APBA2: variants seen among roughly 807,000 people sequenced by gnomAD.
APBA2 encodes amyloid beta precursor protein binding family A member 2.
A neutral mutation model predicts 75.0 loss-of-function variants in APBA2; 30 were observed. The observed-to-expected ratio is 0.40, with a 90% confidence interval of 0.30 to 0.54. APBA2 has a LOEUF of 0.54. APBA2 is among the 20% of genes least tolerant of loss of function. APBA2 has a pLI of 0.49. For missense variants in APBA2, 801 were observed against 1,016.1 expected, an observed-to-expected ratio of 0.79 and a Z score of 2.88; for synonymous variants, 444 against 409.6, an observed-to-expected ratio of 1.08 and a Z score of -1.01.
At position 28,942,798 on chromosome 15, in the gene APBA2, T is replaced by C. The variant is rs547768552; in HGVS notation, c.-95+21049T>C. Among the ~76,000 whole-genome samples the C allele has an allele frequency of 5.9e-5, 9 of 152,302 alleles. No homozygotes were observed. In the South Asian group the frequency reaches 8.3e-4, roughly 14 times the overall value. ...CAGGCCAGAAGGACATGCCCAGTTG[T>C]GTGGCTGCCTCTTCCCTGCAGGGAG... is the stretch of plus-strand genomic sequence containing the variant. On this transcript the variant is annotated intron_variant, in intron 2 of 14. Coordinates refer to ENST00000683413, the MANE Select transcript of APBA2 (RefSeq NM_001353788.2).
At chr15:28,994,713 C>T (rs941358480) in intron 2 of APBA2, among the ~76,000 whole-genome samples, 4 of 152,136 alleles carry the variant, frequency 2.6e-5, no homozygotes, top group Non-Finnish European at 4.4e-5. Context: ...AGCAACTGGC[C>T]GCTTTCTTAG....
rs186030178 is a variant in APBA2, at chr15:29,042,653, C to T, written c.-40-11192C>T. Reference sequence around the variant, plus strand: ...GAGGGGACATAATTCAGCCATAACACGGATGTGGCTTATTTTAAATCTACA... The same window carrying T: ...GAGGGGACATAATTCAGCCATAACATGGATGTGGCTTATTTTAAATCTACA... On this transcript the variant is annotated intron_variant, in intron 3 of 14. Transcript: ENST00000683413. Among the ~76,000 whole-genome samples, 25 of 151,250 alleles carry T rather than the reference C, an allele frequency of 1.7e-4. No individual in the cohort carries two copies. The East Asian group carries it at 2.7e-3, about 17-fold the overall frequency.
chr15:28,890,558 T>C (rs1047807719), intron 1 of APBA2, among the ~76,000 whole-genome samples: 6 of 152,214 alleles, frequency 3.9e-5, no homozygotes, highest in Non-Finnish European at 5.9e-5. Flanking sequence ...CTCTTGCCTG[T>C]GTCCTGGCCT....
chr15:29,093,686 G>A (rs2043697602), intron 7 of APBA2, among the ~76,000 whole-genome samples: 1 of 152,184 alleles, frequency 6.6e-6, no homozygotes, highest in African/African-American at 2.4e-5. Context: ...CCGGGCAAGG[G>A]GAAGATGAGG....
intron 3 of APBA2, among the ~76,000 whole-genome samples, chr15:29,011,683 CTTT>C (rs1348818954): frequency 6.6e-6 from 1 of 152,014 alleles, no homozygotes; most frequent in Non-Finnish European, 1.5e-5. Context: ...ATTTTTACTT[CTTT>C]GTTATATCAT....
At chr15:28,956,625 T>A (rs1051117967) in intron 2 of APBA2, among the ~76,000 whole-genome samples, 5 of 136,204 alleles carry the variant, frequency 3.7e-5, no homozygotes, top group Admixed American at 7.2e-5. Flanking sequence ...CTCAGTCGCA[T>A]TAAGTACATT....
At position 29,098,588 on chromosome 15, in the gene APBA2, A is replaced by G. The variant is rs752168446; in HGVS notation, c.1338+12A>G. On this transcript the variant is annotated intron_variant, in intron 9 of 14. Coordinates refer to ENST00000683413, the MANE Select transcript of APBA2 (RefSeq NM_001353788.2). ...ATGCAGACACGCAGGTAAGCGTTTA[A>G]GACAGTTGTTCAAAATCAGGTAAAC... 1.9e-6 allele frequency: 3 copies of G among 1,609,224 alleles called. No homozygotes were observed. Among genetic ancestry groups the G allele is most frequent in the South Asian group, 2.2e-5 (2 of 90,960 alleles).
intron 2 of APBA2, among the ~76,000 whole-genome samples, chr15:28,954,843 C>T (rs1298748580): frequency 6.6e-6 from 1 of 152,178 alleles, no homozygotes; most frequent in Non-Finnish European, 1.5e-5. Context: ...ATCCTCCAAA[C>T]CTGGGAACCT....
At chr15:28,904,486 T>G (rs1186485871) in intron 1 of APBA2, among the ~76,000 whole-genome samples, 1 of 152,218 alleles carries the variant, frequency 6.6e-6, no homozygotes, top group East Asian at 1.9e-4. Context: ...TACTATAAAT[T>G]TACAAGAGTA....
chr15:29,005,540 G>A (rs1348658438), intron 3 of APBA2, among the ~76,000 whole-genome samples: 3 of 152,182 alleles, frequency 2.0e-5, no homozygotes, highest in Non-Finnish European at 4.4e-5. Flanking sequence ...GGGATTACAG[G>A]CGTGAGTCAC....
At position 29,117,073 on chromosome 15, in the gene APBA2, G is replaced by T. The variant is rs749262017; in HGVS notation, c.2190G>T (p.Lys730Asn). 6.2e-7 allele frequency: 1 copy of T among 1,613,188 alleles called. No homozygotes were observed. Among genetic ancestry groups the T allele is most frequent in the Non-Finnish European group, 8.5e-7 (1 of 1,179,924 alleles). ...LSNSVGEIHM[K>N]TMPAAMFRLL... is the part of the protein sequence containing the mutation. ...GTTTCTGTCCGCAGATCCACATGAA[G>T]ACCATGCCCGCCGCCATGTTCAGGC... is the stretch of plus-strand genomic sequence containing the variant. Residue 730 changes from lysine to asparagine, a missense_variant, in exon 15 of 15, where the codon AAG (lysine) becomes AAT (asparagine). Around this residue, in one of 2 missense-constraint regions of APBA2, gnomAD observed 367 missense variants for 544.5 expected, o/e 0.67. Transcript: ENST00000683413.
chr15:28,916,373 A>G (rs1297137145), intron 1 of APBA2, among the ~76,000 whole-genome samples: 2 of 152,314 alleles, frequency 1.3e-5, no homozygotes, highest in African/African-American at 4.8e-5. Flanking sequence ...CAGCTAGAAG[A>G]GGAGACCTTC....
At chr15:28,937,879 G>C (rs1409001075) in intron 2 of APBA2, among the ~76,000 whole-genome samples, 4 of 152,106 alleles carry the variant, frequency 2.6e-5, no homozygotes, top group Non-Finnish European at 5.9e-5. Context: ...GGATGGTCTC[G>C]ATCTCCTGAC....
chr15:29,114,103 C>T (rs2044904989), intron 14 of APBA2, 87 bp downstream of exon 14: 3 of 1,583,098 alleles, frequency 1.9e-6, no homozygotes, highest in Non-Finnish European at 1.7e-6. Flanking sequence ...CTCCAGAGGA[C>T]ACAGGGCATC....
intron 6 of APBA2, among the ~76,000 whole-genome samples, chr15:29,080,344 G>T (rs1269399350): frequency 6.6e-6 from 1 of 152,182 alleles, no homozygotes; most frequent in Non-Finnish European, 1.5e-5. Context: ...CACGCAGTGG[G>T]TGAGGAAGAA....
chr15:29,028,516 A>G (rs945468996), intron 3 of APBA2, among the ~76,000 whole-genome samples: 2 of 152,298 alleles, frequency 1.3e-5, no homozygotes, highest in East Asian at 1.9e-4. Flanking sequence ...CTTTGAGCCT[A>G]TAAACCAGTA....
chr15:29,065,560 A>G (rs1284355411), intron 4 of APBA2, among the ~76,000 whole-genome samples: 2 of 152,146 alleles, frequency 1.3e-5, no homozygotes, highest in African/African-American at 4.8e-5. Flanking sequence ...ACTACGCACA[A>G]CTCAGACATG....
intron 4 of APBA2, among the ~76,000 whole-genome samples, chr15:29,066,827 G>A (rs1392359662): frequency 1.3e-5 from 2 of 152,204 alleles, no homozygotes; most frequent in African/African-American, 4.8e-5. Flanking sequence ...CTGAACCCAT[G>A]TAGCCATTAT....
chr15:29,004,026 T>G (rs2038986268), intron 3 of APBA2, among the ~76,000 whole-genome samples: 1 of 152,324 alleles, frequency 6.6e-6, no homozygotes, highest in Non-Finnish European at 1.5e-5. Context: ...GCTGCAGATG[T>G]GTGGGGTGGC....
Sources: allele counts gnomAD v4.1 joint callset (sites outside exome capture counted in the v4.1 genomes callset), GRCh38; gene constraint gnomAD v4.1.1; regional missense constraint gnomAD v4.1.1; transcripts MANE v1.5; gene names NCBI Gene and HGNC (gene_info 2026-07-23, HGNC 2026-07-21).